NBAS: variants seen among roughly 807,000 people sequenced by gnomAD.
NBAS encodes the protein NAG/BC035112 fusion.
Under a neutral mutation model 302.5 loss-of-function variants are expected in NBAS, and 219 were observed. The observed-to-expected ratio is 0.72, with a 90% CI of 0.65 to 0.81. NBAS has a LOEUF of 0.81. NBAS is among the 30% of genes least tolerant of loss of function. NBAS has a pLI of 0.00. For missense variants in NBAS, 2,932 were observed against 2,841.6 expected, an observed-to-expected ratio of 1.03 and a Z score of -0.72; for synonymous variants, 1,118 against 1,021.6, an observed-to-expected ratio of 1.09 and a Z score of -1.80.
the NBAS span, among the ~76,000 whole-genome samples, chr2:14,895,601 T>C: frequency 1.3e-5 from 2 of 152,112 alleles, no homozygotes; most frequent in Admixed American, 1.3e-4. Flanking sequence ...TAGCCGGGTG[T>C]GGTAGCGGGC....
At chr2:15,061,096 G>A in the NBAS span, among the ~76,000 whole-genome samples, 3 of 152,214 alleles carry the variant, frequency 2.0e-5, no homozygotes, top group Non-Finnish European at 1.5e-5. Flanking sequence ...TCAGGGCTCA[G>A]GATGAGATGA....
intron 40 of NBAS, among the ~76,000 whole-genome samples, chr2:15,294,404 T>C (rs533924209): frequency 6.6e-6 from 1 of 152,210 alleles, no homozygotes; most frequent in Admixed American, 6.5e-5. Context: ...AGAGAGTGAT[T>C]TGGGAACCAG....
chr2:15,308,969 T>C (rs904802974), intron 39 of NBAS, among the ~76,000 whole-genome samples: 2 of 152,010 alleles, frequency 1.3e-5, no homozygotes, highest in African/African-American at 4.8e-5. Context: ...TGTATACATA[T>C]GTAACTAACC....
chr2:15,516,249 A>G (rs1662385494), intron 9 of NBAS, among the ~76,000 whole-genome samples: 1 of 152,178 alleles, frequency 6.6e-6, no homozygotes, highest in Admixed American at 6.5e-5. Flanking sequence ...GAACAAACTG[A>G]TTTAATGAAA....
At chr2:15,384,845 T>C (rs536386207) in intron 28 of NBAS, among the ~76,000 whole-genome samples, 1 of 152,212 alleles carries the variant, frequency 6.6e-6, no homozygotes, top group Non-Finnish European at 1.5e-5. Flanking sequence ...TTTTCATGCA[T>C]CTTTTTATTT....
chr2:15,272,459 G>T (rs1489768902), intron 44 of NBAS, among the ~76,000 whole-genome samples: 1 of 151,986 alleles, frequency 6.6e-6, no homozygotes, highest in Non-Finnish European at 1.5e-5. Flanking sequence ...GTTTCATTTT[G>T]ATTTTTATAC....
intron 28 of NBAS, among the ~76,000 whole-genome samples, 197 bp from the exon 29 acceptor site, chr2:15,383,514 G>A (rs1044461637): frequency 1.3e-5 from 2 of 152,168 alleles, no homozygotes; most frequent in Admixed American, 6.5e-5. Flanking sequence ...GGGGAAAGTT[G>A]GGCAGCTATG....
At chr2:15,480,396 T>C (rs1020474121) in intron 12 of NBAS, among the ~76,000 whole-genome samples, 1 of 150,190 alleles carries the variant, frequency 6.7e-6, no homozygotes, top group African/African-American at 2.4e-5. Flanking sequence ...AAAACCGATA[T>C]TGCAGTCCCA....
chr2:15,461,882 G>T, intron 19 of NBAS, 91 bp from the exon 20 acceptor site: 1 of 741,022 alleles, frequency 1.3e-6, no homozygotes, highest in Non-Finnish European at 2.4e-6. Context: ...AACTCTGCCT[G>T]CCTAAATAAA....
At chr2:14,941,738 G>A in the NBAS span, among the ~76,000 whole-genome samples, 4 of 152,186 alleles carry the variant, frequency 2.6e-5, 1 homozygote, top group South Asian at 4.2e-4. Context: ...TGCTGATTTT[G>A]TCTTAGGAAT....
the NBAS span, among the ~76,000 whole-genome samples, chr2:14,943,226 G>A: frequency 5.3e-5 from 8 of 152,106 alleles, no homozygotes; most frequent in East Asian, 1.3e-3. Flanking sequence ...AAAGGCCACC[G>A]GATACACTTG....
intron 23 of NBAS, among the ~76,000 whole-genome samples, chr2:15,418,453 C>T (rs922466319): frequency 6.6e-5 from 10 of 152,298 alleles, no homozygotes; most frequent in African/African-American, 2.4e-4. Flanking sequence ...TGAGGACCTA[C>T]TAGAAGCTAA....
chr2:15,469,627 C>T (rs1451904039), intron 16 of NBAS, among the ~76,000 whole-genome samples: 2 of 151,978 alleles, frequency 1.3e-5, no homozygotes, highest in African/African-American at 4.8e-5. Flanking sequence ...GAAAATGTGG[C>T]ATATATACAC....
chr2:15,487,027 T>A (rs558285305), intron 12 of NBAS, among the ~76,000 whole-genome samples: 1 of 152,258 alleles, frequency 6.6e-6, no homozygotes, highest in Non-Finnish European at 1.5e-5. Context: ...ATACACAGAA[T>A]ATGAAATATT....
chr2:15,318,427 C>T (rs1232056829), intron 38 of NBAS, among the ~76,000 whole-genome samples: 1 of 152,092 alleles, frequency 6.6e-6, no homozygotes, highest in Non-Finnish European at 1.5e-5. Flanking sequence ...GGGCTAAATA[C>T]CCCAATTAAA....
intron 6 of NBAS, among the ~76,000 whole-genome samples, chr2:15,548,266 A>C (rs369019433): frequency 8.1e-4 from 123 of 152,328 alleles, no homozygotes; most frequent in African/African-American, 2.9e-3. Context: ...CGAAAAAAAA[A>C]AGTTATATTG....
At chr2:15,275,945 G>A (rs986754479) in intron 43 of NBAS, 127 bp from the exon 44 acceptor site, 1 of 794,130 alleles carries the variant, frequency 1.3e-6, no homozygotes, top group Non-Finnish European at 2.0e-6. Context: ...GCTCTAAGTA[G>A]CTAGTTTATA....
intron 7 of NBAS, 102 bp from the exon 8 acceptor site, chr2:15,536,653 C>A (rs1663534418): frequency 1.8e-6 from 2 of 1,084,964 alleles, no homozygotes; most frequent in Non-Finnish European, 2.7e-6. Flanking sequence ...TTCAGGTACA[C>A]TTTATGTAAG....
chr2:15,186,968 C>A (rs770230258), intron 49 of NBAS, 88 bp from the exon 50 acceptor site: 3 of 1,549,438 alleles, frequency 1.9e-6, no homozygotes, highest in South Asian at 1.1e-5. Flanking sequence ...GAAATGCTTA[C>A]GGTAAATTAC....
Sources: gnomAD v4.1 joint callset for allele counts (sites outside exome capture counted in the v4.1 genomes callset) on GRCh38, gnomAD v4.1.1 for gene constraint, MANE v1.5 for transcripts, NCBI Gene and HGNC (gene_info 2026-07-23, HGNC 2026-07-21) for gene names.